The following LPIN2 variants were observed in gnomAD, a reference collection of about 807,000 sequenced individuals.
LPIN2 encodes phosphatidate phosphatase LPIN2.
In LPIN2, 55 loss-of-function variants were observed where a neutral mutation model predicts 111.4. That is an observed-to-expected ratio of 0.49 (90% confidence interval 0.40 to 0.62). The LOEUF (loss-of-function observed/expected upper bound fraction) is 0.62, where lower values mean the gene tolerates loss of function less well. Among genes scored for constraint, LPIN2 ranks in the 20% least tolerant of loss-of-function variants. The pLI is 0.00. For missense variants in LPIN2, 992 were observed against 1,112.1 expected (o/e 0.89, Z 1.54); for synonymous variants, 425 against 414.0 (o/e 1.03, Z -0.32).
intron 1 of LPIN2, among the ~76,000 whole-genome samples, chr18:3,009,661 G>A (rs1393773934): frequency 2.0e-5 from 3 of 151,938 alleles, no homozygotes; most frequent in Non-Finnish European, 2.9e-5. Context: ...GGCTGGTCTC[G>A]AATTCCTGAC....
chr18:2,917,043 T>C lies in LPIN2; in HGVS notation c.*3250A>G, dbSNP rs2076980345. ...TTGTTGTAACATTTTGTTTTGAACA[T>C]CAAACACTGCACCAAAATATTAGCC... On this transcript the variant is annotated 3_prime_UTR_variant, in exon 20 of 20. Transcript: ENST00000677752. The C allele has an allele frequency of 6.6e-6, 1 of 152,246 alleles. No homozygotes were observed. The highest frequency in any genetic ancestry group is 1.5e-5 in the Non-Finnish European group (1 of 68,040). 9.4% of individuals were successfully genotyped at this position (152,246 alleles called of 1,614,324 possible). A position where few individuals can be genotyped will look rare whatever the true frequency, so the allele number is the denominator to read the frequency against.
rs2077110363 is a variant in LPIN2 at position 2,925,093 on chromosome 18, A to C, written c.1938+131T>G. The C allele has an allele frequency of 1.6e-6, 2 of 1,218,578 alleles. No homozygotes were observed. 75.5% of individuals were successfully genotyped at this position (1,218,578 alleles called of 1,614,324 possible). ...GGCGGCGGTCGTGGTTCCACTGTGGATAGGCATTGACACGACCATGCCGTG... is the reference window on the plus strand; with the variant it reads ...GGCGGCGGTCGTGGTTCCACTGTGGCTAGGCATTGACACGACCATGCCGTG... On this transcript the variant is annotated intron_variant, in intron 14 of 19. Coordinates refer to ENST00000677752, the MANE Select transcript of LPIN2 (RefSeq NM_001375808.2). The surrounding 1 kb of genome is among the most constrained non-coding windows in gnomAD (Gnocchi z 4.1).
rs147371751 is a variant in LPIN2, at chr18:2,920,935, C to G, written c.2443-54G>C. 1.4e-3 allele frequency: 1,647 copies of G among 1,185,132 alleles called. 26 individuals carry two copies. The East Asian group carries it at 0.032, about 23-fold the overall frequency. The allele number at this position is 1,185,132 out of a possible 1,614,324, so 73.4% of individuals were successfully genotyped here. ...TCCAGGGAGGAGAATTCAGGAGATACTTCTCAGGCTCCTTGTGAGCCAGAA... is the reference window on the plus strand; with the variant it reads ...TCCAGGGAGGAGAATTCAGGAGATAGTTCTCAGGCTCCTTGTGAGCCAGAA... On this transcript the variant is annotated intron_variant, in intron 18 of 19. Coordinates refer to ENST00000677752, the MANE Select transcript of LPIN2 (RefSeq NM_001375808.2).
At chr18:2,956,424 G>C (rs560307555) in intron 2 of LPIN2, among the ~76,000 whole-genome samples, 1 of 152,066 alleles carries the variant, frequency 6.6e-6, no homozygotes, top group Admixed American at 6.5e-5. Context: ...GGAGTTACGA[G>C]CACGCCTAAT....
intron 5 of LPIN2, among the ~76,000 whole-genome samples, chr18:2,939,808 G>A (rs1297051998): frequency 6.6e-6 from 1 of 152,070 alleles, no homozygotes; most frequent in Non-Finnish European, 1.5e-5. Flanking sequence ...GTATTTAAGA[G>A]GACTTACCAG....
chr18:2,967,649 T>C (rs1598580195), intron 1 of LPIN2: 1 of 152,278 alleles, frequency 6.6e-6, no homozygotes, highest in Admixed American at 6.5e-5. Context: ...AGGAAGAGTA[T>C]ACAACACAGC....
chr18:2,996,983 A>ACTTTTC (rs1555607936), intron 1 of LPIN2, among the ~76,000 whole-genome samples: 2 of 21,110 alleles, frequency 9.5e-5, no homozygotes, highest in Non-Finnish European at 1.3e-4. Context: ...GGAGGCTTGT[A>ACTTTTC]TTTTTCTTTT....
At chr18:2,987,369 C>A (rs2078201996) in intron 1 of LPIN2, among the ~76,000 whole-genome samples, 2 of 152,124 alleles carry the variant, frequency 1.3e-5, no homozygotes, top group East Asian at 1.9e-4. Flanking sequence ...GCTTGTCCCC[C>A]AAAAACAGCA....
intron 12 of LPIN2, among the ~76,000 whole-genome samples, chr18:2,927,120 C>A (rs1394517536): frequency 6.6e-6 from 1 of 152,204 alleles, no homozygotes; most frequent in South Asian, 2.1e-4. Flanking sequence ...CTGGGAGTAA[C>A]TCACCACGTG....
intron 1 of LPIN2, among the ~76,000 whole-genome samples, chr18:2,976,313 C>T (rs1344488815): frequency 6.6e-6 from 1 of 152,176 alleles, no homozygotes; most frequent in African/African-American, 2.4e-5. Context: ...ACTACCATTG[C>T]AACTCCTGTA....
Position 2,960,642 on chromosome 18 carries a change from C to T in LPIN2, c.192+7G>A. 1 of 1,613,854 alleles carries T rather than the reference C, an allele frequency of 6.2e-7. No individual in the cohort carries two copies. The highest frequency in any genetic ancestry group is 1.3e-5 in the African/African-American group (1 of 74,982). Reference sequence around the variant, plus strand: ...GGATGACTTTTCCTCTCCTTGAGGACACTCACCACTTTCTCTTTGGATCTC... The same window carrying T: ...GGATGACTTTTCCTCTCCTTGAGGATACTCACCACTTTCTCTTTGGATCTC... On this transcript the variant is annotated splice_region_variant and intron_variant, in intron 2 of 19. Coordinates refer to ENST00000677752, the MANE Select transcript of LPIN2 (RefSeq NM_001375808.2).
intron 1 of LPIN2, among the ~76,000 whole-genome samples, chr18:2,968,899 G>C (rs1326627380): frequency 1.3e-5 from 2 of 152,180 alleles, no homozygotes; most frequent in Non-Finnish European, 2.9e-5. Flanking sequence ...GACTACTCCA[G>C]AAGTCACCAC....
intron 4 of LPIN2, among the ~76,000 whole-genome samples, chr18:2,943,376 T>C (rs1412615395): frequency 1.3e-5 from 2 of 151,782 alleles, no homozygotes; most frequent in Non-Finnish European, 2.9e-5. Flanking sequence ...CCTTAAGAAG[T>C]AAGAAAGGAA....
intron 1 of LPIN2, among the ~76,000 whole-genome samples, chr18:2,982,080 T>C (rs1479627275): frequency 6.6e-6 from 1 of 152,218 alleles, no homozygotes; most frequent in Non-Finnish European, 1.5e-5. Context: ...TTGTTCTAAG[T>C]TATATTTTGT....
intron 1 of LPIN2, among the ~76,000 whole-genome samples, chr18:2,971,747 G>A (rs1205849477): frequency 2.5e-4 from 35 of 139,214 alleles, no homozygotes; most frequent in East Asian, 4.1e-4. Flanking sequence ...CCATGCACTG[G>A]AAAAAAAAAA....
intron 7 of LPIN2, among the ~76,000 whole-genome samples, chr18:2,936,426 C>T (rs2077286109): frequency 6.6e-6 from 1 of 152,138 alleles, no homozygotes; most frequent in Non-Finnish European, 1.5e-5. Flanking sequence ...TGAGGAAGAA[C>T]TGTTGAACCA....
At chr18:2,988,006 C>T (rs2078211217) in intron 1 of LPIN2, among the ~76,000 whole-genome samples, 1 of 95,508 alleles carries the variant, frequency 1.0e-5, no homozygotes, top group African/African-American at 4.4e-5. Flanking sequence ...GAGTGAGAGA[C>T]TGTCTCAAAA....
At chr18:2,994,287 G>A (rs943778643) in intron 1 of LPIN2, among the ~76,000 whole-genome samples, 6 of 152,150 alleles carry the variant, frequency 3.9e-5, no homozygotes, top group Non-Finnish European at 5.9e-5. Flanking sequence ...GTTTTTTGAA[G>A]ACAATTTAGC....
intron 1 of LPIN2, among the ~76,000 whole-genome samples, chr18:2,994,406 G>A (rs1222254900): frequency 6.6e-6 from 1 of 152,246 alleles, no homozygotes; most frequent in Non-Finnish European, 1.5e-5. Context: ...AGCTGGCAAA[G>A]GACAAGGCTT....
Sources: gnomAD v4.1 joint callset for allele counts (sites outside exome capture counted in the v4.1 genomes callset) on GRCh38, gnomAD v4.1.1 for gene constraint, Gnocchi (gnomAD v3.1) non-coding constraint, MANE v1.5 for transcripts, NCBI Gene and HGNC (gene_info 2026-07-23, HGNC 2026-07-21) for gene names.